Variants in LMBR1 observed in about 807,000 individuals in gnomAD.
LMBR1 encodes the protein limb development membrane protein 1, also known as limb region 1 protein homolog.
LMBR1 carries 52 observed loss-of-function variants against 73.9 expected under a neutral mutation model. That is an observed-to-expected ratio of 0.70 (90% CI 0.56 to 0.89). The LOEUF (loss-of-function observed/expected upper bound fraction) is 0.89, where lower values mean the gene tolerates loss of function less well. Ranked by LOEUF, LMBR1 falls within the 40% of genes least tolerant of loss-of-function variation. The pLI is 0.00. For missense variants in LMBR1, 539 were observed against 579.8 expected, an observed-to-expected ratio of 0.93 and a Z score of 0.72; for synonymous variants, 215 against 209.4, an observed-to-expected ratio of 1.03 and a Z score of -0.23.
intron 1 of LMBR1, among the ~76,000 whole-genome samples, chr7:156,857,851 A>G (rs1797179918): frequency 6.6e-6 from 1 of 152,188 alleles, no homozygotes; most frequent in Non-Finnish European, 1.5e-5. Flanking sequence ...TCTAAATAAC[A>G]CATCATCAAA....
intron 4 of LMBR1, among the ~76,000 whole-genome samples, chr7:156,671,463 A>C (rs979612039): frequency 9.9e-5 from 15 of 152,144 alleles, no homozygotes; most frequent in African/African-American, 3.1e-4. Context: ...ATGGTGTAGA[A>C]CACCACACCG....
In LMBR1 at chr7:156,685,601, C is replaced by T. The variant is rs1358829530; in HGVS notation, c.1388-1438G>A. Among the ~76,000 whole-genome samples, 1 of 152,206 alleles carries T rather than the reference C, an allele frequency of 6.6e-6. No homozygotes were observed. Among genetic ancestry groups the T allele is most frequent in the Non-Finnish European group, 1.5e-5 (1 of 68,030 alleles). ...ACATATGAACCTAGAAAAGCTGATG[C>T]GTGGCGCCAGGACATTACAACAGCC... On this transcript the variant is annotated intron_variant, in intron 16 of 16. Coordinates refer to ENST00000353442, the MANE Select transcript of LMBR1 (RefSeq NM_022458.4). This position sits in a 1 kb window ranked among gnomAD's most constrained non-coding sequence, Gnocchi z 4.1.
intron 1 of LMBR1, among the ~76,000 whole-genome samples, chr7:156,888,281 G>T (rs1360574116): frequency 2.0e-5 from 3 of 151,684 alleles, no homozygotes; most frequent in Non-Finnish European, 2.9e-5. Flanking sequence ...GTGGTGGCGG[G>T]TGCCTGTAGT....
At chr7:156,820,142 G>C (rs1834528510) in intron 4 of LMBR1, among the ~76,000 whole-genome samples, 1 of 152,162 alleles carries the variant, frequency 6.6e-6, no homozygotes, top group Non-Finnish European at 1.5e-5. Flanking sequence ...TTATCGTTAA[G>C]CTTAACTAGG....
intron 5 of LMBR1, among the ~76,000 whole-genome samples, chr7:156,769,262 T>TA (rs937824655): frequency 6.6e-6 from 1 of 152,188 alleles, no homozygotes; most frequent in Non-Finnish European, 1.5e-5. Flanking sequence ...TGAGACTCCT[T>TA]GACTCAGCAG....
Position 156,833,759 on chromosome 7 carries a change from C to A in LMBR1, c.173G>T (p.Arg58Met). The A allele has an allele frequency of 6.3e-7, 1 of 1,599,532 alleles. No individual in the cohort carries two copies. The highest frequency in any genetic ancestry group is 1.1e-5 in the South Asian group (1 of 87,904). ...TGAACTTTAAAATACATACGAAATC[C>A]TGTTGACGATGGCATCTTCATCTTC... Reference protein sequence around the residue: ...EQEDEDAIVNRISLFLSTFTL... With the variant: ...EQEDEDAIVNMISLFLSTFTL... The change falls in exon 3 of 17, where the codon AGG becomes ATG. Residue 58 changes from arginine (R) to methionine (M), a missense_variant. Physicochemically the swap from Arg to Met is moderately conservative, Grantham distance 91. Around this residue, in one of 3 missense-constraint regions of LMBR1, gnomAD observed 454 missense variants for 473.4 expected, o/e 0.96. Transcript: ENST00000353442.
intron 5 of LMBR1, among the ~76,000 whole-genome samples, chr7:156,781,360 G>A (rs1197757812): frequency 2.6e-5 from 4 of 151,988 alleles, no homozygotes; most frequent in Non-Finnish European, 5.9e-5. Flanking sequence ...GAAAGCTTCC[G>A]GCTTCCTGCT....
chr7:156,828,726 G>C (rs191640925), intron 3 of LMBR1, among the ~76,000 whole-genome samples: 7 of 152,284 alleles, frequency 4.6e-5, no homozygotes, highest in African/African-American at 1.7e-4. Context: ...CTTTCAGTTA[G>C]CAAACAAGGA....
intron 1 of LMBR1, among the ~76,000 whole-genome samples, chr7:156,854,787 T>C (rs1407516712): frequency 6.6e-6 from 1 of 152,076 alleles, no homozygotes; most frequent in African/African-American, 2.4e-5. Flanking sequence ...TGGAGTATAA[T>C]AACAGGAGAT....
chr7:156,787,599 C>A (rs756213270), intron 5 of LMBR1, among the ~76,000 whole-genome samples: 2 of 152,146 alleles, frequency 1.3e-5, no homozygotes, highest in Non-Finnish European at 1.5e-5. Flanking sequence ...CTCTAATCTG[C>A]TGAACTTCTA....
At chr7:156,717,173 C>T (rs1563199897) in intron 15 of LMBR1, among the ~76,000 whole-genome samples, 1 of 152,056 alleles carries the variant, frequency 6.6e-6, no homozygotes, top group East Asian at 1.9e-4. Context: ...AGAAATATTA[C>T]CAAGATGAAA....
At chr7:156,697,735 C>G (rs183469960) in intron 15 of LMBR1, among the ~76,000 whole-genome samples, 156 of 152,240 alleles carry the variant, frequency 1.0e-3, no homozygotes, top group African/African-American at 3.5e-3. Flanking sequence ...CACTGTTATT[C>G]TATTCTTTTT....
At chr7:156,798,874 T>A (rs10273333) in intron 4 of LMBR1, among the ~76,000 whole-genome samples, 9 of 151,840 alleles carry the variant, frequency 5.9e-5, no homozygotes, top group Non-Finnish European at 8.8e-5. Context: ...AAATATCTCA[T>A]AGTCTTTTTA....
chr7:156,832,570 G>A (rs986322549), intron 3 of LMBR1, among the ~76,000 whole-genome samples: 1 of 152,078 alleles, frequency 6.6e-6, no homozygotes, highest in Non-Finnish European at 1.5e-5. Context: ...GTCTGGCTTC[G>A]CTCACTTACT....
intron 1 of LMBR1, among the ~76,000 whole-genome samples, chr7:156,843,054 C>T (rs1838993907): frequency 6.6e-6 from 1 of 152,188 alleles, no homozygotes; most frequent in Non-Finnish European, 1.5e-5. Flanking sequence ...GAAAATTACA[C>T]TTCATGATTT....
intron 12 of LMBR1, among the ~76,000 whole-genome samples, chr7:156,726,415 T>C (rs1198236771): frequency 6.6e-6 from 1 of 151,916 alleles, no homozygotes; most frequent in African/African-American, 2.4e-5. Flanking sequence ...ATAAATTTTT[T>C]CCTAAACAAT....
At chr7:156,744,181 G>C (rs1049778463) in intron 9 of LMBR1, among the ~76,000 whole-genome samples, 2 of 152,072 alleles carry the variant, frequency 1.3e-5, no homozygotes, top group African/African-American at 4.8e-5. Flanking sequence ...GGGACTACAG[G>C]TGCGTGCCGC....
intron 4 of LMBR1, among the ~76,000 whole-genome samples, chr7:156,813,656 C>G (rs2133643554): frequency 6.6e-6 from 1 of 152,330 alleles, no homozygotes; most frequent in South Asian, 2.1e-4. Flanking sequence ...TATCATCAAG[C>G]TTATTCTTTT....
chr7:156,724,891 T>C (rs1815391160), intron 14 of LMBR1, among the ~76,000 whole-genome samples: 1 of 152,072 alleles, frequency 6.6e-6, no homozygotes, highest in Non-Finnish European at 1.5e-5. Context: ...TATTCTTCTT[T>C]GTCAGCCTAC....
Sources: allele counts gnomAD v4.1 joint callset (sites outside exome capture counted in the v4.1 genomes callset), GRCh38; gene constraint gnomAD v4.1.1; regional missense constraint gnomAD v4.1.1; non-coding constraint Gnocchi (gnomAD v3.1); transcripts MANE v1.5; gene names NCBI Gene and HGNC (gene_info 2026-07-23, HGNC 2026-07-21).